The following AP1G1 variants were observed in gnomAD, a reference collection of about 807,000 sequenced individuals.
The protein encoded by AP1G1 is adaptor related protein complex 1 subunit gamma 1, also known as AP-1 complex subunit gamma-1.
In AP1G1, 7 loss-of-function variants were observed where a neutral mutation model predicts 108.3. The observed-to-expected ratio is 0.06, with a 90% CI of 0.04 to 0.12. The LOEUF (loss-of-function observed/expected upper bound fraction) is 0.12, where lower values mean the gene tolerates loss of function less well. Ranked by LOEUF, AP1G1 falls within the 10% of genes least tolerant of loss-of-function variation. The pLI is 1.00. For synonymous variants in AP1G1, 379 were observed against 353.5 expected (o/e 1.07, Z -0.81); for missense variants, 756 against 1,010.7 (o/e 0.75, Z 3.42).
rs113530943 is a variant in AP1G1 at position 71,732,980 on chromosome 16, G to T, written c.*78C>A. The T allele has an allele frequency of 8.6e-4, 987 of 1,153,976 alleles. 10 individuals carry two copies. The African/African-American group carries it at 0.012, about 14-fold the overall frequency. 71.5% of individuals were successfully genotyped at this position (1,153,976 alleles called of 1,614,324 possible). ...TCATGCCCGTGGTACAGTTGGGGGG[G>T]ACTTGCCAGCAATCACAACCTCCTT... On this transcript the variant is annotated 3_prime_UTR_variant, in exon 23 of 23. Coordinates refer to ENST00000299980, the MANE Select transcript of AP1G1 (RefSeq NM_001128.6).
intron 1 of AP1G1, among the ~76,000 whole-genome samples, chr16:71,795,969 G>A (rs2032572003): frequency 6.6e-6 from 1 of 152,170 alleles, no homozygotes; most frequent in African/African-American, 2.4e-5. Flanking sequence ...AGGCGTGGTG[G>A]CTCACGCCTG....
At chr16:71,770,059 C>G (rs909087226) in intron 5 of AP1G1, among the ~76,000 whole-genome samples, 2 of 152,172 alleles carry the variant, frequency 1.3e-5, no homozygotes, top group African/African-American at 4.8e-5. Context: ...TGAGTACTAA[C>G]AGATAATTCA....
intron 12 of AP1G1, among the ~76,000 whole-genome samples, chr16:71,755,694 G>A (rs1197775013): frequency 1.3e-5 from 2 of 151,710 alleles, no homozygotes; most frequent in Non-Finnish European, 2.9e-5. Flanking sequence ...CACCTAGGCT[G>A]GAGTGCAGTG....
At chr16:71,772,170 G>A (rs987489403) in intron 4 of AP1G1, among the ~76,000 whole-genome samples, 5 of 149,258 alleles carry the variant, frequency 3.3e-5, no homozygotes, top group South Asian at 4.2e-4. Flanking sequence ...TCGCTCAGTC[G>A]CCCAGGCTAG....
At chr16:71,734,969 T>A (rs1446341158) in intron 21 of AP1G1, among the ~76,000 whole-genome samples, 1 of 152,234 alleles carries the variant, frequency 6.6e-6, no homozygotes, top group African/African-American at 2.4e-5. Context: ...GCAGAAGGAA[T>A]TCTAGCCTAC....
At chr16:71,745,028 G>T in intron 19 of AP1G1, 116 bp downstream of exon 19, 2 of 1,127,704 alleles carry the variant, frequency 1.8e-6, no homozygotes, top group Non-Finnish European at 2.6e-6. Flanking sequence ...TCTTGCTTCT[G>T]ATTTAGCCTC....
rs375735707 is a variant in AP1G1, at chr16:71,745,150, G to A, written c.1993C>T (p.Leu665Phe). Residue 665 changes from leucine (L) to phenylalanine (F), a missense_variant, in exon 19 of 23, where the codon CTT becomes TTT. This residue lies in a region of AP1G1 where 357 missense variants were observed against 366.5 expected (regional missense o/e 0.97). Transcript: ENST00000299980. Reference sequence around the variant, plus strand: ...TAGCTCCAGACTGCCTCACCTGTAAGGTTGATGTCTCCCAGCAAATCAAGA... The same window carrying A: ...TAGCTCCAGACTGCCTCACCTGTAAAGTTGATGTCTCCCAGCAAATCAAGA... The part of the protein sequence containing the change: ...ELLDLLGDIN[L>F]TGAPAAAPAP... 20 of 1,614,092 alleles carry A rather than the reference G, an allele frequency of 1.2e-5. No homozygotes were observed. The highest frequency in any genetic ancestry group is 1.7e-5 in the Non-Finnish European group (20 of 1,180,020).
chr16:71,734,762 G>C, intron 21 of AP1G1, 55 bp from the exon 22 acceptor site: 1 of 1,445,056 alleles, frequency 6.9e-7, no homozygotes, highest in Non-Finnish European at 9.7e-7. Flanking sequence ...CGCTAGGTCA[G>C]AGATACCAAA....
intron 19 of AP1G1, among the ~76,000 whole-genome samples, chr16:71,743,783 T>C (rs1248551432): frequency 2.1e-5 from 3 of 143,406 alleles, no homozygotes; most frequent in Admixed American, 7.0e-5. Context: ...CTGTCTCTCC[T>C]AAAACTACAA....
intron 2 of AP1G1, among the ~76,000 whole-genome samples, chr16:71,781,483 T>C (rs964470146): frequency 6.6e-6 from 1 of 152,196 alleles, no homozygotes; most frequent in Non-Finnish European, 1.5e-5. Flanking sequence ...GGCCTCAATC[T>C]CATTTCTCCA....
chr16:71,768,500 C>CAAAAAAAAAAAAAAAAAA (rs527404594), intron 6 of AP1G1, among the ~76,000 whole-genome samples: 2 of 83,710 alleles, frequency 2.4e-5, no homozygotes, highest in African/African-American at 4.9e-5. Context: ...GACTCCGCCA[C>CAAAAAAAAAAAAAAAAAA]AAAAAAAAAA....
At chr16:71,784,561 TTTG>T (rs1185573410) in intron 2 of AP1G1, among the ~76,000 whole-genome samples, 4 of 152,138 alleles carry the variant, frequency 2.6e-5, no homozygotes, top group Non-Finnish European at 5.9e-5. Flanking sequence ...AAGATATTTT[TTTG>T]TTGTTGTTGT....
chr16:71,793,710 G>C (rs1291008655), intron 1 of AP1G1, among the ~76,000 whole-genome samples: 1 of 151,928 alleles, frequency 6.6e-6, no homozygotes, highest in Non-Finnish European at 1.5e-5. Context: ...TTTGAGACAG[G>C]GTCTCACTCT....
At chr16:71,804,254 G>A (rs2032917748) in intron 1 of AP1G1, among the ~76,000 whole-genome samples, 1 of 151,686 alleles carries the variant, frequency 6.6e-6, no homozygotes, top group African/African-American at 2.4e-5. Flanking sequence ...AACCATGTTG[G>A]CCAGGATGGT....
At chr16:71,766,834 TTAAG>T in intron 6 of AP1G1, among the ~76,000 whole-genome samples, 1 of 152,334 alleles carries the variant, frequency 6.6e-6, no homozygotes, top group South Asian at 2.1e-4. Context: ...CAGTTTGGAA[TTAAG>T]TAACTTATAA....
In AP1G1 at chr16:71,764,627, A is replaced by G. The variant is rs2031239551; in HGVS notation, c.819+19T>C. 1 of 1,520,800 alleles carries G rather than the reference A, an allele frequency of 6.6e-7. No homozygotes were observed. Among genetic ancestry groups the G allele is most frequent in the Non-Finnish European group, 8.9e-7 (1 of 1,123,910 alleles). The allele number at this position is 1,520,800 out of a possible 1,614,324, so 94.2% of individuals were successfully genotyped here. On this transcript the variant is annotated intron_variant, in intron 8 of 22. Transcript: ENST00000299980. ...CGAAACTAAAATAAATATATATTTA[A>G]TATGTTTGGTCTACTCACCTGTGCT...
chr16:71,806,035 A>T (rs918639640), intron 1 of AP1G1, among the ~76,000 whole-genome samples: 96 of 148,854 alleles, frequency 6.4e-4, no homozygotes, highest in Middle Eastern at 6.8e-3. Context: ...AAATAATAAA[A>T]AAAAAAAAAA....
At position 71,732,883 on chromosome 16, in the gene AP1G1, T is replaced by C; in HGVS notation, c.*175A>G. Reference sequence around the variant, plus strand: ...AGCCTCAACAGTGGAGGAGAGGACATTAGTCTTTAACAATGCTTCAAGGTC... The same window carrying C: ...AGCCTCAACAGTGGAGGAGAGGACACTAGTCTTTAACAATGCTTCAAGGTC... On this transcript the variant is annotated 3_prime_UTR_variant, in exon 23 of 23. Transcript: ENST00000299980. 1.8e-6 allele frequency: 1 copy of C among 566,530 alleles called. No homozygotes were observed. Among genetic ancestry groups the C allele is most frequent in the Non-Finnish European group, 3.1e-6 (1 of 320,154 alleles). 35.1% of individuals were successfully genotyped at this position (566,530 alleles called of 1,614,324 possible).
At chr16:71,786,038 T>G (rs2032192211) in intron 2 of AP1G1, among the ~76,000 whole-genome samples, 1 of 152,148 alleles carries the variant, frequency 6.6e-6, no homozygotes, top group Non-Finnish European at 1.5e-5. Flanking sequence ...AACAAGATGG[T>G]GACTCATTGA....
Sources: gnomAD v4.1 joint callset for allele counts (sites outside exome capture counted in the v4.1 genomes callset) on GRCh38, gnomAD v4.1.1 for gene constraint, gnomAD v4.1.1 regional missense constraint, MANE v1.5 for transcripts, NCBI Gene and HGNC (gene_info 2026-07-23, HGNC 2026-07-21) for gene names.